The following ACAP2 variants were observed in gnomAD, a reference collection of about 807,000 sequenced individuals.
The protein encoded by ACAP2 is arf-GAP with coiled-coil, ANK repeat and PH domain-containing protein 2.
Under a neutral mutation model 115.8 loss-of-function variants are expected in ACAP2, and 39 were observed. The observed-to-expected ratio is 0.34, with a 90% CI of 0.26 to 0.44. The LOEUF is 0.44. Among genes scored for constraint, ACAP2 ranks in the 20% least tolerant of loss-of-function variants. The pLI is 1.00. For missense variants in ACAP2, 662 were observed against 927.6 expected (o/e 0.71, Z 3.72); for synonymous variants, 289 against 315.8 (o/e 0.92, Z 0.90).
At chr3:195,404,000 CA>C (rs1187044636) in intron 1 of ACAP2, among the ~76,000 whole-genome samples, 1 of 152,008 alleles carries the variant, frequency 6.6e-6, no homozygotes, top group African/African-American at 2.4e-5. Flanking sequence ...GTCAGAAGAA[CA>C]AAAGGAATGA....
At chr3:195,348,156 G>A (rs1390260254) in intron 4 of ACAP2, among the ~76,000 whole-genome samples, 1 of 151,790 alleles carries the variant, frequency 6.6e-6, no homozygotes, top group Non-Finnish European at 1.5e-5. Context: ...CATGGATAGA[G>A]GGAAGGATAA....
chr3:195,381,536 C>T (rs370937039), intron 3 of ACAP2, among the ~76,000 whole-genome samples: 1 of 152,144 alleles, frequency 6.6e-6, no homozygotes, highest in East Asian at 1.9e-4. Flanking sequence ...ACAGTTAAGA[C>T]GCTGTACTTA....
chr3:195,295,903 T>C lies in ACAP2; in HGVS notation c.1488-11A>G, dbSNP rs1271219289. On this transcript the variant is annotated splice_polypyrimidine_tract_variant and intron_variant, in intron 16 of 22. Coordinates refer to ENST00000326793, the MANE Select transcript of ACAP2 (RefSeq NM_012287.6). ...GCCTCCTTCTCCTGTCTGACAGACATAAAAATGTCATGATGTTTTGCTTAA... is the reference window on the plus strand; with the variant it reads ...GCCTCCTTCTCCTGTCTGACAGACACAAAAATGTCATGATGTTTTGCTTAA... 4 of 1,598,530 alleles carry C rather than the reference T, an allele frequency of 2.5e-6. No homozygotes were observed. Among genetic ancestry groups the C allele is most frequent in the South Asian group, 1.1e-5 (1 of 88,494 alleles).
chr3:195,355,922 G>T, intron 4 of ACAP2: 1 of 302,232 alleles, frequency 3.3e-6, no homozygotes, highest in South Asian at 2.7e-5. Context: ...ATTAAAAATA[G>T]AAACAAGCTG....
intron 9 of ACAP2, 193 bp downstream of exon 9, chr3:195,326,692 T>C (rs1227481374): frequency 4.0e-6 from 2 of 502,220 alleles, no homozygotes; most frequent in African/African-American, 3.9e-5. Context: ...CTTTCAAAGA[T>C]CTGAAAAAAT....
chr3:195,437,885 CTTT>C (rs1186712431), intron 1 of ACAP2, among the ~76,000 whole-genome samples: 1 of 90,742 alleles, frequency 1.1e-5, no homozygotes, highest in Non-Finnish European at 2.0e-5. Context: ...ACTTTACATG[CTTT>C]TTTTTTTTTT....
chr3:195,329,550 T>C (rs1027949052), intron 8 of ACAP2, among the ~76,000 whole-genome samples: 4 of 152,150 alleles, frequency 2.6e-5, no homozygotes, highest in African/African-American at 4.8e-5. Context: ...AGCTACCACA[T>C]TCTTTCCCTC....
intron 4 of ACAP2, among the ~76,000 whole-genome samples, chr3:195,363,735 A>G (rs1732526868): frequency 6.6e-6 from 1 of 152,172 alleles, no homozygotes; most frequent in Non-Finnish European, 1.5e-5. Context: ...AGCAATAGTA[A>G]CCAAAGCAGC....
intron 1 of ACAP2, among the ~76,000 whole-genome samples, chr3:195,398,842 G>C (rs1043078809): frequency 2.0e-5 from 3 of 151,996 alleles, no homozygotes; most frequent in Non-Finnish European, 4.4e-5. Flanking sequence ...TCCTGTAATA[G>C]GAAAGGGAGT....
At chr3:195,314,325 G>A (rs180736850) in intron 10 of ACAP2, among the ~76,000 whole-genome samples, 1 of 151,726 alleles carries the variant, frequency 6.6e-6, no homozygotes, top group East Asian at 1.9e-4. Flanking sequence ...GGAGTGCAGT[G>A]GTAAAATCTC....
intron 1 of ACAP2, among the ~76,000 whole-genome samples, chr3:195,409,768 C>T (rs1308388114): frequency 1.3e-5 from 2 of 149,636 alleles, no homozygotes; most frequent in South Asian, 4.2e-4. Flanking sequence ...CCCAGCTACT[C>T]GGGAGGCTGA....
At chr3:195,290,344 C>G (rs570164253) in intron 20 of ACAP2, among the ~76,000 whole-genome samples, 1 of 151,878 alleles carries the variant, frequency 6.6e-6, no homozygotes, top group Non-Finnish European at 1.5e-5. Flanking sequence ...AGTCACCACA[C>G]TCCAACGTGA....
At chr3:195,409,579 G>A (rs566291376) in intron 1 of ACAP2, among the ~76,000 whole-genome samples, 1 of 151,964 alleles carries the variant, frequency 6.6e-6, no homozygotes, top group Non-Finnish European at 1.5e-5. Flanking sequence ...GTTTTTTGTA[G>A]AAATAGAAAA....
At chr3:195,326,050 AT>A (rs1370643308) in intron 9 of ACAP2, among the ~76,000 whole-genome samples, 2 of 152,150 alleles carry the variant, frequency 1.3e-5, no homozygotes, top group South Asian at 2.1e-4. Context: ...TTTTGTTTTC[AT>A]TTTTTTCCAC....
At chr3:195,392,280 T>C (rs1283895083) in intron 1 of ACAP2, 133 bp from the exon 2 acceptor site, 2 of 674,058 alleles carry the variant, frequency 3.0e-6, no homozygotes, top group Non-Finnish European at 5.1e-6. Context: ...ATAATTACCT[T>C]GGAATTTAGT....
chr3:195,407,350 TA>T (rs1235844346), intron 1 of ACAP2, among the ~76,000 whole-genome samples: 6 of 152,062 alleles, frequency 3.9e-5, no homozygotes, highest in South Asian at 2.1e-4. Context: ...AAGTTTGAGT[TA>T]TTTTTTAAAT....
chr3:195,441,860 A>G (rs560142559), intron 1 of ACAP2: 2 of 152,342 alleles, frequency 1.3e-5, no homozygotes, highest in South Asian at 2.1e-4. Flanking sequence ...TGTGTCCTGG[A>G]CGGCCTCAGG....
intron 4 of ACAP2, among the ~76,000 whole-genome samples, chr3:195,352,024 A>C (rs572102230): frequency 6.6e-6 from 1 of 152,306 alleles, no homozygotes; most frequent in African/African-American, 2.4e-5. Context: ...AGATATTAAC[A>C]CTTTAAAGAA....
At chr3:195,308,886 C>A in intron 10 of ACAP2, 49 bp from the exon 11 acceptor site, 1 of 1,494,818 alleles carries the variant, frequency 6.7e-7, no homozygotes. Context: ...AATTTATTTC[C>A]ATTGTTGTTA....
Sources: gnomAD v4.1 joint callset for allele counts (sites outside exome capture counted in the v4.1 genomes callset) on GRCh38, gnomAD v4.1.1 for gene constraint, MANE v1.5 for transcripts, NCBI Gene and HGNC (gene_info 2026-07-23, HGNC 2026-07-21) for gene names.